The following PTPRD variants were observed in gnomAD, a reference collection of about 807,000 sequenced individuals.
The protein encoded by PTPRD is receptor-type tyrosine-protein phosphatase delta.
PTPRD carries 34 observed loss-of-function variants against 214.5 expected under a neutral mutation model. The observed-to-expected ratio is 0.16, with a 90% CI of 0.12 to 0.21. The LOEUF (loss-of-function observed/expected upper bound fraction) is 0.21. Ranked by LOEUF, PTPRD falls within the 10% of genes least tolerant of loss-of-function variation. PTPRD has a pLI of 1.00. For missense variants in PTPRD, 2,545 were observed against 2,398.7 expected (o/e 1.06, Z -1.27); for synonymous variants, 1,128 against 845.7 (o/e 1.33, Z -5.79).
intron 3 of PTPRD, among the ~76,000 whole-genome samples, chr9:10,178,076 C>T (rs1475274119): frequency 2.0e-5 from 3 of 151,860 alleles, no homozygotes. Context: ...CTCTTATTTA[C>T]CCTCTAGACT....
At chr9:9,295,446 G>T (rs759622740) in intron 9 of PTPRD, among the ~76,000 whole-genome samples, 4 of 151,602 alleles carry the variant, frequency 2.6e-5, no homozygotes, top group African/African-American at 9.7e-5. Context: ...ATGCAGTGTA[G>T]TTCTACGTAT....
At chr9:8,620,844 C>G (rs1352057321) in intron 14 of PTPRD, among the ~76,000 whole-genome samples, 1 of 151,946 alleles carries the variant, frequency 6.6e-6, no homozygotes, top group Admixed American at 6.6e-5. Flanking sequence ...ATTCACCCCT[C>G]TACGTGAGAC....
At chr9:9,583,091 T>C (rs2091187422) in intron 7 of PTPRD, among the ~76,000 whole-genome samples, 1 of 152,066 alleles carries the variant, frequency 6.6e-6, no homozygotes. Context: ...CTTTGATATC[T>C]TCCTCACTGA....
intron 9 of PTPRD, among the ~76,000 whole-genome samples, chr9:9,279,738 C>A (rs1946973692): frequency 6.6e-6 from 1 of 150,820 alleles, no homozygotes; most frequent in Admixed American, 6.6e-5. Flanking sequence ...TTCTATCTAA[C>A]CCTGGAGTAA....
At chr9:10,598,416 G>C (rs923448881) in intron 2 of PTPRD, among the ~76,000 whole-genome samples, 2 of 151,526 alleles carry the variant, frequency 1.3e-5, no homozygotes, top group African/African-American at 4.8e-5. Flanking sequence ...GGGACATAAT[G>C]GTAAAGATAT....
At chr9:9,181,009 G>A (rs984379586) in intron 10 of PTPRD, among the ~76,000 whole-genome samples, 9 of 152,078 alleles carry the variant, frequency 5.9e-5, no homozygotes, top group South Asian at 4.1e-4. Context: ...TCAGAGTTCC[G>A]TCTTCGGTAG....
chr9:9,741,658 G>T (rs765746382), intron 6 of PTPRD, among the ~76,000 whole-genome samples: 1 of 152,046 alleles, frequency 6.6e-6, no homozygotes, highest in Non-Finnish European at 1.5e-5. Context: ...CCCTGCGTTG[G>T]TGTATTCTCA....
At chr9:9,158,668 A>C (rs2099883508) in intron 10 of PTPRD, among the ~76,000 whole-genome samples, 1 of 152,166 alleles carries the variant, frequency 6.6e-6, no homozygotes, top group Non-Finnish European at 1.5e-5. Context: ...AAACCCTTTC[A>C]GAAAAATTGA....
At chr9:10,476,604 C>T (rs966955492) in intron 2 of PTPRD, among the ~76,000 whole-genome samples, 1 of 152,084 alleles carries the variant, frequency 6.6e-6, no homozygotes, top group Admixed American at 6.6e-5. Context: ...CATCAAGCTA[C>T]CATTGACCTT....
chr9:10,001,148 T>C (rs2096300688), intron 4 of PTPRD, among the ~76,000 whole-genome samples: 1 of 152,130 alleles, frequency 6.6e-6, no homozygotes, highest in Admixed American at 6.5e-5. Flanking sequence ...GTCATTTATC[T>C]AAATTGGCGT....
At position 9,384,476 on chromosome 9, in the gene PTPRD, T is replaced by C. The variant is rs139491496; in HGVS notation, c.-203+12973A>G. 4.2e-3 allele frequency among the ~76,000 whole-genome samples: 634 copies of C among 150,432 alleles called. 3 individuals are homozygous for C. The highest frequency in any genetic ancestry group is 0.015 in the African/African-American group (602 of 41,114). ...ACACTAATCACCTGGTATGTTGAGG[T>C]CGAGTTTTTGAGCTCTTGCAGTAAG... On this transcript the variant is annotated intron_variant, in intron 9 of 45. Transcript: ENST00000381196.
At chr9:10,027,699 T>C (rs1052518697) in intron 4 of PTPRD, among the ~76,000 whole-genome samples, 8 of 152,276 alleles carry the variant, frequency 5.3e-5, no homozygotes, top group African/African-American at 1.9e-4. Flanking sequence ...ACATTTTTTC[T>C]AAAAATATTT....
intron 8 of PTPRD, among the ~76,000 whole-genome samples, chr9:9,432,525 T>A (rs1337012525): frequency 6.6e-6 from 1 of 152,182 alleles, no homozygotes; most frequent in African/African-American, 2.4e-5. Flanking sequence ...CCTAATTTTG[T>A]GATTTACTGA....
chr9:10,567,641 A>G (rs2066028336), intron 2 of PTPRD, among the ~76,000 whole-genome samples: 1 of 152,048 alleles, frequency 6.6e-6, no homozygotes, highest in South Asian at 2.1e-4. Context: ...AACTGTAAAA[A>G]TCATGACTCT....
chr9:9,834,235 A>G (rs1221875148), intron 5 of PTPRD, among the ~76,000 whole-genome samples: 1 of 152,048 alleles, frequency 6.6e-6, no homozygotes, highest in Non-Finnish European at 1.5e-5. Context: ...ACTTCCCACA[A>G]CAGGGTTCTA....
At chr9:9,769,317 CTTTTT>C (rs34497562) in intron 5 of PTPRD, among the ~76,000 whole-genome samples, 3 of 69,606 alleles carry the variant, frequency 4.3e-5, no homozygotes, top group South Asian at 7.3e-4. Flanking sequence ...ACCAGAAGCC[CTTTTT>C]TTTTTTTTTT....
chr9:9,464,555 C>T (rs1283891287), intron 8 of PTPRD, among the ~76,000 whole-genome samples: 1 of 152,062 alleles, frequency 6.6e-6, no homozygotes, highest in African/African-American at 2.4e-5. Context: ...GCATGAGACA[C>T]ATTTAGTGGT....
intron 2 of PTPRD, among the ~76,000 whole-genome samples, chr9:10,520,223 C>A (rs1035313355): frequency 6.6e-6 from 1 of 152,092 alleles, no homozygotes; most frequent in Non-Finnish European, 1.5e-5. Flanking sequence ...AGTGAACACA[C>A]GGATAATAAG....
Position 9,947,354 on chromosome 9 carries a change from TTATATATATTA to T in PTPRD, c.-471-8755_-471-8745del, listed in dbSNP as rs1259840029. 2.8e-3 allele frequency among the ~76,000 whole-genome samples: 156 copies of T among 56,024 alleles called. 5 individuals carry two copies. Among genetic ancestry groups the T allele is most frequent in the African/African-American group, 0.011 (139 of 12,898 alleles). The allele number at this position is 56,024 out of a possible 152,430, so 36.8% of individuals were successfully genotyped here. The stretch of plus-strand genomic sequence containing the variant: ...ATATGTATTATATATATAATATATA[TTATATATATTA>T]TATATATATTATATATATTTTATAT... On this transcript the variant is annotated intron_variant, in intron 4 of 45. Transcript: ENST00000381196.
Sources: gnomAD v4.1 joint callset for allele counts (sites outside exome capture counted in the v4.1 genomes callset) on GRCh38, gnomAD v4.1.1 for gene constraint, MANE v1.5 for transcripts, NCBI Gene and HGNC (gene_info 2026-07-23, HGNC 2026-07-21) for gene names.